Variants in RP1 observed in about 807,000 individuals in gnomAD.
RP1 encodes oxygen-regulated protein 1.
In RP1, 16 loss-of-function variants were observed where a neutral mutation model predicts 14.8. The observed-to-expected ratio is 1.08, with a 90% CI of 0.73 to 1.65. The LOEUF is 1.65. RP1 is among the 40% of genes most tolerant of loss of function. The pLI is 0.00. For synonymous variants in RP1, 876 were observed against 883.6 expected (o/e 0.99, Z 0.15); for missense variants, 2,631 against 2,535.0 (o/e 1.04, Z -0.81).
rs528080534 is a variant in RP1 at position 54,793,068 on chromosome 8, A to C, written c.3615+9358A>C. Among the ~76,000 whole-genome samples the C allele has an allele frequency of 5.3e-5, 8 of 152,038 alleles. No homozygotes were observed. In the South Asian group the frequency reaches 1.7e-3, roughly 32 times the overall value. ...GACTGCTATGAACTATTATGTGTCAACAAATTGAATAACCTAGAGAAAACG... is the reference window on the plus strand; with the variant it reads ...GACTGCTATGAACTATTATGTGTCACCAAATTGAATAACCTAGAGAAAACG... On this transcript the variant is annotated intron_variant, in intron 24 of 28. Coordinates refer to the RP1 transcript ENST00000637698.
chr8:54,613,118 A>G (rs1805635514), upstream of RP1, among the ~76,000 whole-genome samples: 1 of 152,200 alleles, frequency 6.6e-6, no homozygotes, highest in Non-Finnish European at 1.5e-5. Flanking sequence ...CTGTTGAACA[A>G]ATAAACAAAT....
At chr8:54,602,973 C>T (rs1397999769) in intron 1 of RP1, among the ~76,000 whole-genome samples, 1 of 152,042 alleles carries the variant, frequency 6.6e-6, no homozygotes, top group East Asian at 1.9e-4. Flanking sequence ...AAAATTTTCT[C>T]CCATTCTGTA....
intron 3 of RP1, 146 bp from the exon 4 acceptor site, chr8:54,624,524 A>G: frequency 1.3e-6 from 1 of 742,022 alleles, no homozygotes; most frequent in Non-Finnish European, 2.3e-6. Flanking sequence ...TTACTATGAA[A>G]TACAGAAAAT....
At chr8:54,844,763 C>G (rs75642797) in intron 25 of RP1, among the ~76,000 whole-genome samples, 1,560 of 152,294 alleles carry the variant, frequency 0.01, 13 homozygotes, top group Middle Eastern at 0.02. Context: ...AAATGATATT[C>G]TTATGTGATC....
exon 26 of RP1, chr8:54,852,619 C>A: frequency 1.6e-6 from 2 of 1,231,886 alleles, no homozygotes; most frequent in Non-Finnish European, 2.0e-6. Flanking sequence ...ATGACAGGTG[C>A]AGAAACAGAG....
At chr8:54,650,671 T>G in intron 4 of RP1, among the ~76,000 whole-genome samples, 2 of 118,138 alleles carry the variant, frequency 1.7e-5, no homozygotes, top group South Asian at 7.2e-4. Context: ...CTCCCCCGTC[T>G]ACCTCCCTCC....
intron 24 of RP1, among the ~76,000 whole-genome samples, chr8:54,813,957 T>C (rs1307115578): frequency 3.3e-5 from 5 of 152,232 alleles, no homozygotes; most frequent in African/African-American, 1.2e-4. Flanking sequence ...TGTGGGGAGT[T>C]GAGCAAATGA....
intron 24 of RP1, chr8:54,783,781 G>A (rs1002343088): frequency 6.6e-6 from 7 of 1,060,848 alleles, no homozygotes; most frequent in African/African-American, 6.6e-5. Context: ...ATGAAATGGA[G>A]TGTAATTTTT....
intron 22 of RP1, among the ~76,000 whole-genome samples, chr8:54,761,233 CTTT>C (rs71554177): frequency 1.8e-5 from 2 of 109,170 alleles, no homozygotes; most frequent in Admixed American, 1.1e-4. Context: ...CGCTACCTTA[CTTT>C]TTTTTTTTTT....
rs531985894 is a variant in RP1 at position 54,683,664 on chromosome 8, G to T, written c.1717+3731G>T. ...TTGCACATTGATTTTGTATCCTGGG[G>T]CTAAAGTTGCTTACTAGTTTAAGAA... On this transcript the variant is annotated intron_variant, in intron 12 of 22. Coordinates refer to the RP1 transcript ENST00000636932. Among the ~76,000 whole-genome samples the T allele has an allele frequency of 7.3e-5, 11 of 151,684 alleles. No individual in the cohort carries two copies. The South Asian group carries it at 2.1e-3, about 29-fold the overall frequency.
intron 1 of RP1, among the ~76,000 whole-genome samples, chr8:54,586,931 G>T (rs994030032): frequency 6.6e-6 from 1 of 152,154 alleles, no homozygotes; most frequent in Non-Finnish European, 1.5e-5. Flanking sequence ...TTCCCTGACC[G>T]CTTGCGCTTC....
intron 24 of RP1, among the ~76,000 whole-genome samples, chr8:54,819,494 C>T (rs1252627832): frequency 2.0e-5 from 3 of 152,032 alleles, no homozygotes; most frequent in African/African-American, 7.2e-5. Flanking sequence ...GGTGAGGTCA[C>T]ATTCTCCTGG....
intron 24 of RP1, among the ~76,000 whole-genome samples, chr8:54,834,803 G>A (rs889246391): frequency 6.6e-6 from 1 of 151,786 alleles, no homozygotes; most frequent in Non-Finnish European, 1.5e-5. Flanking sequence ...GAAAGCTATA[G>A]TATTTCCTTG....
Position 54,599,094 on chromosome 8 carries a change from T to A in RP1, c.-12-21861T>A, listed in dbSNP as rs576918376. On this transcript the variant is annotated intron_variant, in intron 1 of 22. Transcript: ENST00000636932. Reference sequence around the variant, plus strand: ...CTCCTCTCCTTCTGAGATCTTTTGTTATAGTTCTGCAAGTCCCTGAGGTTC... The same window carrying A: ...CTCCTCTCCTTCTGAGATCTTTTGTAATAGTTCTGCAAGTCCCTGAGGTTC... 2.0e-5 allele frequency among the ~76,000 whole-genome samples: 3 copies of A among 152,344 alleles called. No homozygotes were observed. The South Asian group carries it at 6.2e-4, about 32-fold the overall frequency.
At chr8:54,641,004 G>A (rs1241128352) in intron 3 of RP1, among the ~76,000 whole-genome samples, 1 of 144,640 alleles carries the variant, frequency 6.9e-6, no homozygotes, top group Non-Finnish European at 1.5e-5. Context: ...GTGTTGCCCA[G>A]GCTGGAGTGT....
chr8:54,691,849 G>A (rs1040803354), intron 12 of RP1, among the ~76,000 whole-genome samples: 1 of 151,568 alleles, frequency 6.6e-6, no homozygotes, highest in South Asian at 2.1e-4. Context: ...AAGTTTTAGG[G>A]TACATGTGCA....
intron 25 of RP1, among the ~76,000 whole-genome samples, chr8:54,838,061 C>T (rs1811704683): frequency 6.6e-6 from 1 of 152,166 alleles, no homozygotes; most frequent in Admixed American, 6.5e-5. Context: ...AAGTTGTTTG[C>T]CCACCCCTGA....
intron 24 of RP1, among the ~76,000 whole-genome samples, chr8:54,807,686 C>T (rs1227489591): frequency 6.6e-6 from 1 of 150,816 alleles, no homozygotes; most frequent in Non-Finnish European, 1.5e-5. Flanking sequence ...ATTTATCTAT[C>T]TCTATCTATC....
chr8:54,749,698 C>A (rs1037404559), intron 19 of RP1, among the ~76,000 whole-genome samples: 3 of 151,970 alleles, frequency 2.0e-5, no homozygotes, highest in African/African-American at 4.8e-5. Context: ...GCTTGAGGTA[C>A]AAAGAAGCAG....
Sources: gnomAD v4.1 joint callset for allele counts (sites outside exome capture counted in the v4.1 genomes callset) on GRCh38, gnomAD v4.1.1 for gene constraint, MANE v1.5 for transcripts, NCBI Gene and HGNC (gene_info 2026-07-23, HGNC 2026-07-21) for gene names.